FLT4: variants seen among roughly 807,000 people sequenced by gnomAD.
FLT4 encodes the protein fms related receptor tyrosine kinase 4.
A neutral mutation model predicts 163.2 loss-of-function variants in FLT4; 30 were observed. That is an observed-to-expected ratio of 0.18 (90% CI 0.14 to 0.25). FLT4 has a LOEUF of 0.25. Among genes scored for constraint, FLT4 ranks in the 10% least tolerant of loss-of-function variants. FLT4 has a pLI of 1.00. For missense variants in FLT4, 1,510 were observed against 1,863.8 expected (o/e 0.81, Z 3.50); for synonymous variants, 884 against 789.5 (o/e 1.12, Z -2.01).
At chr5:180,611,745 A>G in intron 26 of FLT4, 1 of 567,604 alleles carries the variant, frequency 1.8e-6, no homozygotes, top group Non-Finnish European at 3.2e-6. Flanking sequence ...AGCTCATGCC[A>G]GAAACCAGCA....
intron 29 of FLT4, among the ~76,000 whole-genome samples, chr5:180,605,906 A>C (rs948292388): frequency 5.9e-5 from 9 of 152,202 alleles, no homozygotes; most frequent in African/African-American, 2.2e-4. Flanking sequence ...GATGTAACCC[A>C]GGAGTGAGGA....
intron 19 of FLT4, 58 bp from the exon 20 acceptor site, chr5:180,619,167 G>T: frequency 7.6e-7 from 1 of 1,308,962 alleles, no homozygotes; most frequent in South Asian, 1.9e-5. Flanking sequence ...CTGCGGGCGC[G>T]CTCCGCGTTT....
chr5:180,616,986 G>A lies in FLT4; in HGVS notation c.3010C>T (p.Leu1004=). 6.8e-6 allele frequency: 11 copies of A among 1,612,962 alleles called. No individual in the cohort carries two copies. Among genetic ancestry groups the A allele is most frequent in the Non-Finnish European group, 9.3e-6 (11 of 1,179,782 alleles). Residue 1004 remains leucine, a synonymous_variant, in exon 22 of 30, where the codon CTG becomes TTG. Coordinates refer to ENST00000261937, the MANE Select transcript of FLT4 (RefSeq NM_182925.5). The stretch of plus-strand genomic sequence containing the variant: ...TCCATGGTCAGCGGGCTCAGCCACA[G>A]GTCCTCAGCTACACAGTGGAGCCAG... ...RASPDQEAED[L]WLSPLTMEDL... is the part of the protein sequence containing the mutation.
At chr5:180,608,914 C>T in intron 29 of FLT4, 54 bp downstream of exon 29, 1 of 1,476,494 alleles carries the variant, frequency 6.8e-7, no homozygotes, top group Non-Finnish European at 9.5e-7. Flanking sequence ...CCTCCCTCCT[C>T]CAGGGGAGGG....
intron 27 of FLT4, 34 bp from the exon 28 acceptor site, chr5:180,610,059 C>T (rs376136714): frequency 4.6e-5 from 75 of 1,613,364 alleles, no homozygotes; most frequent in Admixed American, 6.7e-5. Flanking sequence ...CTGAGGAACG[C>T]GCTGCAGCAA....
In FLT4 at chr5:180,623,817, G is replaced by C; in HGVS notation, c.1548+118C>G. ...CCTACAGACTGCAGGAAGGTCACCCGCTCTCGGCTGCTCTGCCCAGCACTC... is the reference window on the plus strand; with the variant it reads ...CCTACAGACTGCAGGAAGGTCACCCCCTCTCGGCTGCTCTGCCCAGCACTC... On this transcript the variant is annotated intron_variant, in intron 11 of 29. Transcript: ENST00000261937. The surrounding 1 kb of genome is among the most constrained non-coding windows in gnomAD (Gnocchi z 5.8). 7.5e-7 allele frequency: 1 copy of C among 1,329,906 alleles called. No individual in the cohort carries two copies. Among genetic ancestry groups the C allele is most frequent in the African/African-American group, 1.4e-5 (1 of 69,738 alleles). The allele number at this position is 1,329,906 out of a possible 1,614,324, so 82.4% of individuals were successfully genotyped here.
chr5:180,619,920 G>T, intron 17 of FLT4, 151 bp from the exon 18 acceptor site: 2 of 690,670 alleles, frequency 2.9e-6, no homozygotes, highest in Non-Finnish European at 5.0e-6. Context: ...AAGGAGAGGT[G>T]GACAGGAGGC....
intron 7 of FLT4, 98 bp downstream of exon 7, chr5:180,629,161 C>T: frequency 6.5e-7 from 1 of 1,529,028 alleles, no homozygotes; most frequent in Non-Finnish European, 9.0e-7. Flanking sequence ...GCTCGTGGCC[C>T]TCCCTTCCCT....
At position 180,629,920 on chromosome 5, in the gene FLT4, G is replaced by T. The variant is rs374045727; in HGVS notation, c.676+23C>A. 4 of 1,612,484 alleles carry T rather than the reference G, an allele frequency of 2.5e-6. No individual in the cohort carries two copies. The African/African-American group carries it at 5.3e-5, about 22-fold the overall frequency. On this transcript the variant is annotated intron_variant, in intron 5 of 29. Transcript: ENST00000261937. ...TGAGGCAGTGACAGCCCCGTTACTG[G>T]GAACGGGGCACAGCCCTGTTACCTG...
At chr5:180,629,531 T>C in intron 6 of FLT4, 104 bp from the exon 7 acceptor site, 4 of 1,506,594 alleles carry the variant, frequency 2.7e-6, no homozygotes, top group Non-Finnish European at 3.6e-6. Flanking sequence ...CCGGAAGCCC[T>C]GGACCCAGGC....
At chr5:180,615,404 T>C (rs74216976) in intron 23 of FLT4, among the ~76,000 whole-genome samples, 54 of 101,206 alleles carry the variant, frequency 5.3e-4, no homozygotes, top group South Asian at 1.1e-3. Context: ...TGGGTCCCGC[T>C]GGTCACCTCC....
chr5:180,620,629 T>A lies in FLT4; in HGVS notation c.2386A>T (p.Ile796Phe). 2 of 1,611,320 alleles carry A rather than the reference T, an allele frequency of 1.2e-6. No homozygotes were observed. Among genetic ancestry groups the A allele is most frequent in the South Asian group, 2.2e-5 (2 of 91,004 alleles). Reference sequence around the variant, plus strand: ...CTCACCCTCCTCATGTTACAGAAGATGAGGAGGAGGAGGACCCAGAAGAAG... The same window carrying A: ...CTCACCCTCCTCATGTTACAGAAGAAGAGGAGGAGGAGGACCCAGAAGAAG... ...AVFFWVLLLL[I>F]FCNMRRPAHA... is the part of the protein sequence containing the mutation. The change falls in exon 16 of 30, where the codon ATC becomes TTC. Residue 796 changes from isoleucine to phenylalanine, a missense_variant. Physicochemically the swap from Ile to Phe is conservative, Grantham distance 21. Transcript: ENST00000261937. The surrounding 1 kb of genome is among the most constrained non-coding windows in gnomAD (Gnocchi z 4.4).
At chr5:180,647,898 G>T (rs544261856) in intron 1 of FLT4, among the ~76,000 whole-genome samples, 3 of 152,076 alleles carry the variant, frequency 2.0e-5, no homozygotes, top group Non-Finnish European at 2.9e-5. Context: ...TGCTCCACCC[G>T]GGAGCACCAG....
At position 180,607,719 on chromosome 5, in the gene FLT4, T is replaced by G. The variant is rs536670820; in HGVS notation, c.3893+1249A>C. On this transcript the variant is annotated intron_variant, in intron 29 of 29. Coordinates refer to ENST00000261937, the MANE Select transcript of FLT4 (RefSeq NM_182925.5). Reference sequence around the variant, plus strand: ...AAGAATAGTCATAATACAAATTAGATAGAGAGATGATCATGGACATTATCA... The same window carrying G: ...AAGAATAGTCATAATACAAATTAGAGAGAGAGATGATCATGGACATTATCA... Among the ~76,000 whole-genome samples, 155 of 151,696 alleles carry G rather than the reference T, an allele frequency of 1.0e-3. 2 individuals are homozygous for G. The South Asian group carries it at 0.015, about 15-fold the overall frequency.
chr5:180,607,727 T>C (rs1761880119), intron 29 of FLT4, among the ~76,000 whole-genome samples: 1 of 151,918 alleles, frequency 6.6e-6, no homozygotes, highest in Non-Finnish European at 1.5e-5. Flanking sequence ...GATAGAGAGA[T>C]GATCATGGAC....
intron 21 of FLT4, 68 bp from the exon 22 acceptor site, chr5:180,617,062 G>A (rs1762748523): frequency 2.6e-6 from 3 of 1,164,616 alleles, no homozygotes; most frequent in Non-Finnish European, 1.3e-6. Flanking sequence ...CAGCCCCAGG[G>A]AACAGCTAAC....
intron 7 of FLT4, 123 bp from the exon 8 acceptor site, chr5:180,629,122 G>A (rs1004614544): frequency 4.1e-5 from 59 of 1,442,764 alleles, no homozygotes; most frequent in Non-Finnish European, 4.8e-5. Context: ...TGGCCATGCC[G>A]CCCGGTGCAG....
chr5:180,620,644 C>G lies in FLT4; in HGVS notation c.2371G>C (p.Val791Leu). ...GTGVIAVFFW[V>L]LLLLIFCNMR... ...TTACAGAAGATGAGGAGGAGGAGGA[C>G]CCAGAAGAAGACAGCGATGACGCCG... The change falls in exon 16 of 30, where the codon GTC (valine) becomes CTC (leucine). Residue 791 changes from valine to leucine, a missense_variant. Around this residue, in one of 5 missense-constraint regions of FLT4, gnomAD observed 878 missense variants for 1,016.7 expected, o/e 0.86. Coordinates refer to ENST00000261937, the MANE Select transcript of FLT4 (RefSeq NM_182925.5). This position sits in a 1 kb window ranked among gnomAD's most constrained non-coding sequence, Gnocchi z 4.4. The G allele has an allele frequency of 1.2e-6, 2 of 1,613,368 alleles. No homozygotes were observed. Among genetic ancestry groups the G allele is most frequent in the Non-Finnish European group, 1.7e-6 (2 of 1,179,882 alleles).
chr5:180,603,906 A>AG (rs1761654200), intron 29 of FLT4, among the ~76,000 whole-genome samples: 1 of 151,492 alleles, frequency 6.6e-6, no homozygotes, highest in African/African-American at 2.4e-5. Context: ...TCCATCTTAA[A>AG]AAAAAAAAAA....
Sources: gnomAD v4.1 joint callset for allele counts (sites outside exome capture counted in the v4.1 genomes callset) on GRCh38, gnomAD v4.1.1 for gene constraint, gnomAD v4.1.1 regional missense constraint, Gnocchi (gnomAD v3.1) non-coding constraint, MANE v1.5 for transcripts, NCBI Gene and HGNC (gene_info 2026-07-23, HGNC 2026-07-21) for gene names.